Variants in ABCC11 observed in about 807,000 individuals in gnomAD.
The protein encoded by ABCC11 is ATP binding cassette subfamily C member 11.
In ABCC11, 135 loss-of-function variants were observed where a neutral mutation model predicts 149.3. That is an observed-to-expected ratio of 0.90 (90% CI 0.79 to 1.04). The LOEUF is 1.04. ABCC11 is among the 50% of genes least tolerant of loss of function. The pLI, the probability that ABCC11 is intolerant of heterozygous loss-of-function variation, is 0.00. For synonymous variants in ABCC11, 665 were observed against 671.4 expected, an observed-to-expected ratio of 0.99 and a Z score of 0.15; for missense variants, 1,680 against 1,722.1, an observed-to-expected ratio of 0.98 and a Z score of 0.43.
chr16:48,215,191 C>A lies in ABCC11; in HGVS notation c.1099+6G>T, dbSNP rs773235924. ...GGTTTGGAGCAGAAAGTCAGACTTTCCATACCTTCAATGATTTTTGCAAAT... is the reference window on the plus strand; with the variant it reads ...GGTTTGGAGCAGAAAGTCAGACTTTACATACCTTCAATGATTTTTGCAAAT... On this transcript the variant is annotated splice_donor_region_variant and intron_variant, in intron 8 of 29. Coordinates refer to ENST00000356608, the MANE Select transcript of ABCC11 (RefSeq NM_001370497.1). 6.2e-7 allele frequency: 1 copy of A among 1,606,274 alleles called. No homozygotes were observed. The highest frequency in any genetic ancestry group is 1.1e-5 in the South Asian group (1 of 90,766).
In ABCC11 at chr16:48,178,656, T is replaced by A; in HGVS notation, c.3289A>T (p.Ile1097Phe). The change falls in exon 24 of 30, where the codon ATT becomes TTT. Residue 1097 changes from isoleucine to phenylalanine, a missense_variant. By Grantham distance (21) the Ile-to-Phe change is conservative. Coordinates refer to ENST00000356608, the MANE Select transcript of ABCC11 (RefSeq NM_001370497.1). ...AACTGTGCCTCTGTCTCCAAGCCAA[T>A]CCGGGCAGTGGCCTGGAAGCTGGAC... ...LASSFQATAR[I>F]GLETEAQFTA... 6.2e-7 allele frequency: 1 copy of A among 1,614,058 alleles called. No homozygotes were observed. The highest frequency in any genetic ancestry group is 8.5e-7 in the Non-Finnish European group (1 of 1,180,004).
intron 1 of ABCC11, chr16:48,244,208 C>G (rs956773061): frequency 9.5e-5 from 49 of 517,944 alleles, no homozygotes; most frequent in Non-Finnish European, 1.3e-4. Flanking sequence ...TCAAGTCTTA[C>G]CGGGAGGCTC....
intron 6 of ABCC11, among the ~76,000 whole-genome samples, chr16:48,217,798 T>C (rs1485367881): frequency 2.0e-5 from 3 of 152,146 alleles, no homozygotes; most frequent in African/African-American, 7.2e-5. Flanking sequence ...GGAGCATAAA[T>C]TGGTATAGCC....
intron 15 of ABCC11, among the ~76,000 whole-genome samples, chr16:48,199,771 G>A (rs1332215920): frequency 3.4e-5 from 5 of 147,252 alleles, no homozygotes; most frequent in East Asian, 2.0e-4. Context: ...CTTGACCTCC[G>A]GGGCTCCATC....
chr16:48,195,070 C>T (rs187905857), intron 18 of ABCC11, among the ~76,000 whole-genome samples: 1 of 152,332 alleles, frequency 6.6e-6, no homozygotes, highest in East Asian at 1.9e-4. Context: ...TATTCATGCT[C>T]ACATGTCCCG....
chr16:48,192,280 C>CA (rs1034192709), intron 20 of ABCC11, among the ~76,000 whole-genome samples: 2 of 151,920 alleles, frequency 1.3e-5, no homozygotes, highest in Non-Finnish European at 2.9e-5. Flanking sequence ...CCAGTCTCTA[C>CA]AAAAAATACA....
Position 48,243,914 on chromosome 16 carries a change from C to A in ABCC11, c.-19+3400G>T, listed in dbSNP as rs527593019. On this transcript the variant is annotated intron_variant, in intron 1 of 29. Coordinates refer to ENST00000356608, the MANE Select transcript of ABCC11 (RefSeq NM_001370497.1). ...GGCTGAGGCAGGAGAATCGCTTGAA[C>A]CCGGGAGGCAGAGGCTGCAAGCCGT... Among the ~76,000 whole-genome samples the A allele has an allele frequency of 6.6e-5, 10 of 152,260 alleles. No homozygotes were observed. The East Asian group carries it at 1.9e-3, about 29-fold the overall frequency.
rs115962554 is a variant in ABCC11, at chr16:48,188,923, C to T, written c.2707-1496G>A. ...GAAAGAGGAGGGAAGGACATTTTGA[C>T]GGTTACTAAATGTAATTATTTGAGC... On this transcript the variant is annotated intron_variant, in intron 20 of 29. Coordinates refer to ENST00000356608, the MANE Select transcript of ABCC11 (RefSeq NM_001370497.1). Among the ~76,000 whole-genome samples, 289 of 152,284 alleles carry T rather than the reference C, an allele frequency of 1.9e-3. 1 individual carries two copies. The highest frequency in any genetic ancestry group is 6.5e-3 in the African/African-American group (272 of 41,566).
Position 48,193,958 on chromosome 16 carries a change from A to G in ABCC11, c.2429T>C (p.Phe810Ser). The G allele has an allele frequency of 1.9e-6, 3 of 1,613,558 alleles. No individual in the cohort carries two copies. Among genetic ancestry groups the G allele is most frequent in the South Asian group, 2.2e-5 (2 of 91,040 alleles). The change falls in exon 19 of 30, where the codon TTC (phenylalanine) becomes TCC (serine). Residue 810 changes from phenylalanine to serine, a missense_variant. Physicochemically the swap from Phe to Ser is radical, Grantham distance 155. Coordinates refer to ENST00000356608, the MANE Select transcript of ABCC11 (RefSeq NM_001370497.1). ...GAAGACGATCAGCACCACGAAGAAG[A>G]AAATTATGCAAGAGACCATGTAACC... ...AGGYMVSCIIFFFVVLIVFLT... is the reference protein window; with the variant it reads ...AGGYMVSCIISFFVVLIVFLT...
chr16:48,240,923 C>A (rs1161080026), intron 1 of ABCC11, among the ~76,000 whole-genome samples: 1 of 151,838 alleles, frequency 6.6e-6, no homozygotes, highest in African/African-American at 2.4e-5. Context: ...TATCACATGG[C>A]CACAGCATCA....
intron 15 of ABCC11, among the ~76,000 whole-genome samples, chr16:48,199,147 T>G (rs979521893): frequency 1.3e-5 from 2 of 151,472 alleles, no homozygotes; most frequent in African/African-American, 4.8e-5. Context: ...ACACAGAAAG[T>G]AAAAAATAAA....
intron 14 of ABCC11, among the ~76,000 whole-genome samples, chr16:48,202,616 CAA>C (rs1348026435): frequency 2.3e-4 from 28 of 120,212 alleles, no homozygotes; most frequent in Non-Finnish European, 1.8e-4. Flanking sequence ...GACTCCCCTT[CAA>C]AAAAAAAAAA....
chr16:48,227,778 T>C (rs1970170225), intron 4 of ABCC11, 28 bp downstream of exon 4: 1 of 1,611,906 alleles, frequency 6.2e-7, no homozygotes, highest in East Asian at 2.2e-5. Flanking sequence ...TTTTAACCTA[T>C]CCACTGGTTT....
chr16:48,216,098 C>T lies in ABCC11; in HGVS notation c.951+16G>A, dbSNP rs749505939. ...CTGGGGCCCAGCATCAAATGGGTGA[C>T]AGAGAAAGACATTACCGCCAGTGGG... On this transcript the variant is annotated intron_variant, in intron 7 of 29. Coordinates refer to ENST00000356608, the MANE Select transcript of ABCC11 (RefSeq NM_001370497.1). The T allele has an allele frequency of 6.2e-7, 1 of 1,611,926 alleles. No homozygotes were observed. Among genetic ancestry groups the T allele is most frequent in the South Asian group, 1.1e-5 (1 of 90,828 alleles).
Position 48,184,634 on chromosome 16 carries a change from G to A in ABCC11, c.3072-8C>T, listed in dbSNP as rs897567834. 6.2e-7 allele frequency: 1 copy of A among 1,612,776 alleles called. No homozygotes were observed. On this transcript the variant is annotated splice_polypyrimidine_tract_variant and splice_region_variant and intron_variant, in intron 22 of 29. Transcript: ENST00000356608. ...TCAGTCAGCCTCTTAAACCTGAGAA[G>A]GAAAGCACAGACTAAGAACCATGTG...
intron 17 of ABCC11, 114 bp downstream of exon 17, chr16:48,197,857 G>T: frequency 9.0e-7 from 1 of 1,108,672 alleles, no homozygotes; most frequent in Non-Finnish European, 1.3e-6. Flanking sequence ...AATGCTTAGG[G>T]TCTCAAGACA....
rs1370131641 is a variant in ABCC11, at chr16:48,176,942, C to T, written c.3520G>A (p.Val1174Met). The T allele has an allele frequency of 9.9e-6, 16 of 1,613,876 alleles. No individual in the cohort carries two copies. Among genetic ancestry groups the T allele is most frequent in the East Asian group, 2.2e-5 (1 of 44,882 alleles). ...AGCTCACCAGAGCCCGTCCTTCCCA[C>T]GATGCCCACCACTTCGTGGCCGCGG... ...TIRGHEVVGI[V>M]GRTGSGKSSL... The change falls in exon 25 of 30, where the codon GTG (valine) becomes ATG (methionine). Residue 1174 changes from valine to methionine, a missense_variant. By Grantham distance (21) the Val-to-Met change is conservative. Transcript: ENST00000356608.
At chr16:48,179,673 G>A (rs1443166859) in intron 23 of ABCC11, among the ~76,000 whole-genome samples, 2 of 152,216 alleles carry the variant, frequency 1.3e-5, no homozygotes, top group Non-Finnish European at 2.9e-5. Flanking sequence ...GTGCAGAGGG[G>A]CGCACTCCAC....
intron 3 of ABCC11, 138 bp from the exon 4 acceptor site, chr16:48,228,102 A>T: frequency 1.2e-6 from 1 of 853,250 alleles, no homozygotes; most frequent in Non-Finnish European, 1.7e-6. Flanking sequence ...TTGTAAGTTG[A>T]AAATCATAAA....
Sources: gnomAD v4.1 joint callset for allele counts (sites outside exome capture counted in the v4.1 genomes callset) on GRCh38, gnomAD v4.1.1 for gene constraint, MANE v1.5 for transcripts, NCBI Gene and HGNC (gene_info 2026-07-23, HGNC 2026-07-21) for gene names.